Variants in UBR3 observed in about 807,000 individuals in gnomAD.
UBR3 encodes the protein ubiquitin protein ligase E3 component n-recognin 3, also known as E3 ubiquitin-protein ligase UBR3.
In UBR3, 85 loss-of-function variants were observed where a neutral mutation model predicts 243.2. The ratio of observed to expected loss-of-function variants is 0.35; its 90% CI spans 0.29 to 0.42. The LOEUF (loss-of-function observed/expected upper bound fraction) is 0.42, where lower values mean the gene tolerates loss of function less well. Ranked by LOEUF, UBR3 falls within the 10% of genes least tolerant of loss-of-function variation. The pLI, the probability that UBR3 is intolerant of heterozygous loss-of-function variation, is 1.00. For missense variants in UBR3, 1,686 were observed against 2,300.8 expected (o/e 0.73, Z 5.47); for synonymous variants, 748 against 799.8 (o/e 0.94, Z 1.09).
At chr2:169,943,836 T>G (rs1423784872) in intron 20 of UBR3, among the ~76,000 whole-genome samples, 2 of 152,124 alleles carry the variant, frequency 1.3e-5, no homozygotes, top group Non-Finnish European at 2.9e-5. Flanking sequence ...TAAGAAAGTA[T>G]GTATTTAGTT....
At chr2:169,894,189 C>G (rs1263732368) in intron 6 of UBR3, among the ~76,000 whole-genome samples, 1 of 151,678 alleles carries the variant, frequency 6.6e-6, no homozygotes, top group African/African-American at 2.4e-5. Context: ...AGGGTGTGGT[C>G]TTGCACACCT....
intron 10 of UBR3, among the ~76,000 whole-genome samples, chr2:169,907,283 A>T (rs1203831326): frequency 6.6e-6 from 1 of 151,770 alleles, no homozygotes; most frequent in Non-Finnish European, 1.5e-5. Flanking sequence ...ATTCATGTAG[A>T]TCCCCTTGTA....
At chr2:170,002,467 T>C (rs1411047911) in intron 27 of UBR3, among the ~76,000 whole-genome samples, 3 of 152,242 alleles carry the variant, frequency 2.0e-5, no homozygotes, top group Non-Finnish European at 4.4e-5. Context: ...TCTCTTCCTT[T>C]GTCATTAAGA....
chr2:169,968,757 A>C (rs1298281705), intron 24 of UBR3, among the ~76,000 whole-genome samples: 1 of 152,148 alleles, frequency 6.6e-6, no homozygotes, highest in African/African-American at 2.4e-5. Context: ...TTTTCTGAGG[A>C]ACCTCCATAC....
At chr2:170,055,183 G>A (rs1384788882) in intron 32 of UBR3, among the ~76,000 whole-genome samples, 2 of 152,084 alleles carry the variant, frequency 1.3e-5, no homozygotes, top group Non-Finnish European at 2.9e-5. Flanking sequence ...TGTAGTCCCA[G>A]CTACTGTTGG....
At chr2:169,871,157 A>G (rs1388569425) in intron 1 of UBR3, among the ~76,000 whole-genome samples, 4 of 152,150 alleles carry the variant, frequency 2.6e-5, no homozygotes, top group Non-Finnish European at 5.9e-5. Context: ...GATGTTGACT[A>G]TAGAATAGTT....
chr2:169,963,486 T>A (rs2087671198), intron 24 of UBR3, among the ~76,000 whole-genome samples: 1 of 152,166 alleles, frequency 6.6e-6, no homozygotes, highest in Admixed American at 6.5e-5. Flanking sequence ...TGGGAATATT[T>A]CTTCATTTTT....
intron 20 of UBR3, among the ~76,000 whole-genome samples, chr2:169,944,760 C>G (rs543658564): frequency 2.6e-5 from 4 of 151,940 alleles, no homozygotes; most frequent in Non-Finnish European, 5.9e-5. Context: ...AGCTGTAATC[C>G]CACAAGCTGT....
chr2:169,949,565 C>T, intron 22 of UBR3, 40 bp from the exon 23 acceptor site: 1 of 1,459,248 alleles, frequency 6.9e-7, no homozygotes, highest in Non-Finnish European at 9.1e-7. Flanking sequence ...TGCTAAATAA[C>T]TTCTCTTGAT....
intron 24 of UBR3, among the ~76,000 whole-genome samples, chr2:169,971,040 C>A (rs1300786195): frequency 2.6e-5 from 4 of 150,996 alleles, no homozygotes; most frequent in Non-Finnish European, 4.4e-5. Flanking sequence ...GATGGTATCT[C>A]ATTGTGGTTT....
intron 19 of UBR3, among the ~76,000 whole-genome samples, chr2:169,935,335 GT>G (rs1182374469): frequency 2.6e-5 from 4 of 152,084 alleles, no homozygotes; most frequent in Non-Finnish European, 5.9e-5. Context: ...CTGGCTAATT[GT>G]TTAAAAGTGT....
chr2:170,001,345 T>C lies in UBR3; in HGVS notation c.3960T>C (p.Gly1320=). The C allele has an allele frequency of 3.1e-6, 5 of 1,613,748 alleles. No homozygotes were observed. The highest frequency in any genetic ancestry group is 4.2e-6 in the Non-Finnish European group (5 of 1,179,776). Residue 1320 remains glycine (G), a synonymous_variant, in exon 27 of 39, where the codon GGT becomes GGC. Coordinates refer to ENST00000272793, the MANE Select transcript of UBR3 (RefSeq NM_172070.4). ...CAGTATCAATTGGCTGGGAAGGAGG[T>C]GTTTATGTACAAACCTGTGGTCACA... is the stretch of plus-strand genomic sequence containing the variant. ...LLAVSIGWEG[G]VYVQTCGHTL...
intron 11 of UBR3, among the ~76,000 whole-genome samples, chr2:169,915,233 C>T (rs1024778388): frequency 4.5e-5 from 6 of 132,730 alleles, no homozygotes; most frequent in Non-Finnish European, 8.8e-5. Flanking sequence ...CATTTTAGGA[C>T]AGTGACTTTT....
intron 1 of UBR3, among the ~76,000 whole-genome samples, chr2:169,851,168 A>G (rs938233332): frequency 8.5e-5 from 13 of 152,288 alleles, no homozygotes; most frequent in Non-Finnish European, 2.9e-5. Context: ...TCTGTTGCAC[A>G]GGCTACAGTG....
chr2:170,021,151 A>G (rs1316148223), intron 30 of UBR3, among the ~76,000 whole-genome samples: 2 of 152,156 alleles, frequency 1.3e-5, no homozygotes, highest in Non-Finnish European at 1.5e-5. Flanking sequence ...ATTTTATAAT[A>G]TATATTCTAG....
intron 1 of UBR3, among the ~76,000 whole-genome samples, chr2:169,856,510 G>A (rs1349355936): frequency 1.3e-5 from 2 of 152,170 alleles, no homozygotes; most frequent in East Asian, 1.9e-4. Context: ...GTAGCGAGCC[G>A]AGATCACGCC....
chr2:170,072,277 A>G (rs1221778346), intron 35 of UBR3, among the ~76,000 whole-genome samples: 1 of 152,174 alleles, frequency 6.6e-6, no homozygotes. Context: ...TTGTAGGGAC[A>G]TGGATGAAAT....
chr2:169,978,034 A>G (rs1262937971), intron 24 of UBR3, among the ~76,000 whole-genome samples: 5 of 152,060 alleles, frequency 3.3e-5, no homozygotes, highest in South Asian at 2.1e-4. Flanking sequence ...GGGTGGGTAT[A>G]GTGGTATAAC....
At chr2:169,900,169 A>G (rs1323926929) in intron 8 of UBR3, among the ~76,000 whole-genome samples, 1 of 152,098 alleles carries the variant, frequency 6.6e-6, no homozygotes, top group Non-Finnish European at 1.5e-5. Flanking sequence ...TGGTTTCCTG[A>G]CTTTTTAATG....
Sources: gnomAD v4.1 joint callset for allele counts (sites outside exome capture counted in the v4.1 genomes callset) on GRCh38, gnomAD v4.1.1 for gene constraint, MANE v1.5 for transcripts, NCBI Gene and HGNC (gene_info 2026-07-23, HGNC 2026-07-21) for gene names.